Variants in SNAP91 observed in about 807,000 individuals in gnomAD.
SNAP91 encodes the protein synaptosome associated protein 91, also known as clathrin coat assembly protein AP180.
SNAP91 carries 27 observed loss-of-function variants against 100.3 expected under a neutral mutation model. That is an observed-to-expected ratio of 0.27 (90% confidence interval 0.20 to 0.37). The LOEUF (loss-of-function observed/expected upper bound fraction) is 0.37, where lower values mean the gene tolerates loss of function less well. Ranked by LOEUF, SNAP91 falls within the 10% of genes least tolerant of loss-of-function variation. The probability of loss-of-function intolerance (pLI) is 1.00; values close to 1 mark genes in which losing one functional copy is unlikely to be tolerated. For missense variants in SNAP91, 986 were observed against 1,123.7 expected (o/e 0.88, Z 1.75); for synonymous variants, 404 against 398.6 (o/e 1.01, Z -0.16).
intron 9 of SNAP91, 87 bp from the exon 10 acceptor site, chr6:83,617,126 G>C: frequency 1.3e-6 from 1 of 771,516 alleles, no homozygotes; most frequent in South Asian, 2.0e-5. Flanking sequence ...TATGGTGGAA[G>C]TCTGTGGATG....
intron 26 of SNAP91, among the ~76,000 whole-genome samples, chr6:83,570,152 G>A (rs568899024): frequency 1.3e-5 from 2 of 152,182 alleles, no homozygotes; most frequent in South Asian, 4.2e-4. Flanking sequence ...GTTGGGAATT[G>A]GAGTGAAGGT....
chr6:83,625,911 G>T (rs1322403641), intron 8 of SNAP91, among the ~76,000 whole-genome samples: 1 of 152,018 alleles, frequency 6.6e-6, no homozygotes, highest in East Asian at 1.9e-4. Context: ...TGTTGCAATT[G>T]CTTTTGAGGA....
At chr6:83,612,347 G>C (rs187413358) in intron 11 of SNAP91, among the ~76,000 whole-genome samples, 1 of 152,142 alleles carries the variant, frequency 6.6e-6, no homozygotes, top group East Asian at 1.9e-4. Context: ...GTGAGTTTTG[G>C]CTAATAATTT....
At chr6:83,613,405 A>C (rs933238454) in intron 11 of SNAP91, among the ~76,000 whole-genome samples, 1 of 152,236 alleles carries the variant, frequency 6.6e-6, no homozygotes, top group East Asian at 1.9e-4. Flanking sequence ...GACGTCTTTA[A>C]AAAGTTATTT....
intron 8 of SNAP91, among the ~76,000 whole-genome samples, chr6:83,630,906 C>T (rs2097180410): frequency 6.6e-6 from 1 of 151,598 alleles, no homozygotes; most frequent in Admixed American, 6.6e-5. Flanking sequence ...ATTCTTGTTT[C>T]TCTTGATCCT....
chr6:83,632,439 A>G (rs895399364), intron 8 of SNAP91, among the ~76,000 whole-genome samples: 8 of 152,170 alleles, frequency 5.3e-5, no homozygotes, highest in Non-Finnish European at 8.8e-5. Flanking sequence ...CTAGGTCTCT[A>G]GCAAGGCTGG....
At position 83,556,397 on chromosome 6, in the gene SNAP91, A is replaced by AGAGAG. The variant is rs1562072085; in HGVS notation, c.2632-153_2632-152insCTCTC. Among the ~76,000 whole-genome samples the AGAGAG allele has an allele frequency of 3.8e-3, 145 of 38,068 alleles. 2 individuals carry two copies. Among genetic ancestry groups the AGAGAG allele is most frequent in the Non-Finnish European group, 5.1e-3 (104 of 20,564 alleles). The allele number at this position is 38,068 out of a possible 152,430, so 25.0% of individuals were successfully genotyped here. Reference sequence around the variant, plus strand: ...AGAGAGAGAGAGAGAGAGAGAGAGAAAAGCATTAGGCAGAACACATATCAA... The same window carrying AGAGAG: ...AGAGAGAGAGAGAGAGAGAGAGAGAAGAGAGAAGCATTAGGCAGAACACATATCAA... On this transcript the variant is annotated intron_variant, in intron 28 of 29. Transcript: ENST00000369694.
chr6:83,563,266 A>G (rs970147283), intron 26 of SNAP91, among the ~76,000 whole-genome samples: 3 of 152,178 alleles, frequency 2.0e-5, no homozygotes, highest in Non-Finnish European at 4.4e-5. Flanking sequence ...AAAAATGAAT[A>G]AGGGAAAATC....
At chr6:83,593,052 G>A (rs751328589) in intron 19 of SNAP91, 35 bp from the exon 20 acceptor site, 2 of 1,551,584 alleles carry the variant, frequency 1.3e-6, no homozygotes, top group Non-Finnish European at 1.7e-6. Flanking sequence ...ACCAAGCAGA[G>A]GTAAGTAGTA....
intron 2 of SNAP91, among the ~76,000 whole-genome samples, chr6:83,689,260 T>C (rs2099101980): frequency 6.6e-6 from 1 of 152,228 alleles, no homozygotes; most frequent in South Asian, 2.1e-4. Flanking sequence ...GCTATCTCTT[T>C]ATACTTGAGT....
At position 83,582,279 on chromosome 6, in the gene SNAP91, C is replaced by T; in HGVS notation, c.2092G>A (p.Glu698Lys). Residue 698 changes from glutamate to lysine, a missense_variant, in exon 23 of 30, where the codon GAG (glutamate) becomes AAG (lysine). By Grantham distance (56) the Glu-to-Lys change is moderately conservative (BLOSUM62 1). Around this residue, in one of 4 missense-constraint regions of SNAP91, gnomAD observed 575 missense variants for 579.9 expected, o/e 0.99. Coordinates refer to ENST00000369694, the MANE Select transcript of SNAP91 (RefSeq NM_001242792.2). ...GAAGGCGTTGTCCCAAAAGCTGCCT[C>T]AAAATTGGGCTGTAGCAGGTTATTC... ...AQNNLLQPNF[E>K]AAFGTTPSTS... 1 of 1,613,464 alleles carries T rather than the reference C, an allele frequency of 6.2e-7. No individual in the cohort carries two copies. Among genetic ancestry groups the T allele is most frequent in the Non-Finnish European group, 8.5e-7 (1 of 1,179,726 alleles).
intron 2 of SNAP91, among the ~76,000 whole-genome samples, chr6:83,680,599 TA>T (rs1227017750): frequency 8.5e-5 from 13 of 152,130 alleles, no homozygotes; most frequent in Admixed American, 8.5e-4. Context: ...TGCATACCAC[TA>T]AAAAGGATGA....
At chr6:83,565,022 A>T (rs1282622435) in intron 26 of SNAP91, among the ~76,000 whole-genome samples, 2 of 150,834 alleles carry the variant, frequency 1.3e-5, no homozygotes, top group Non-Finnish European at 2.9e-5. Context: ...ATAAGCATCT[A>T]GTATCCCGAA....
intron 2 of SNAP91, among the ~76,000 whole-genome samples, chr6:83,666,879 C>T (rs1421368211): frequency 3.3e-5 from 5 of 152,006 alleles, no homozygotes; most frequent in Admixed American, 6.6e-5. Flanking sequence ...TGCTTTAAAA[C>T]GTGAGGTACT....
chr6:83,633,181 A>G (rs1442612130), intron 8 of SNAP91, among the ~76,000 whole-genome samples: 2 of 152,150 alleles, frequency 1.3e-5, no homozygotes, highest in South Asian at 2.1e-4. Flanking sequence ...CAGCAAGTCT[A>G]TCAGGCTCCA....
At chr6:83,573,352 A>G (rs1811929048) in intron 26 of SNAP91, among the ~76,000 whole-genome samples, 1 of 152,224 alleles carries the variant, frequency 6.6e-6, no homozygotes. Flanking sequence ...GGAATAATCA[A>G]TATCGTGAAA....
intron 11 of SNAP91, among the ~76,000 whole-genome samples, chr6:83,612,927 GA>G (rs2096246671): frequency 6.9e-6 from 1 of 144,162 alleles, no homozygotes; most frequent in South Asian, 2.2e-4. Flanking sequence ...AACAGCTTTA[GA>G]AATACATTTC....
chr6:83,638,529 T>A (rs1444818308), intron 8 of SNAP91, among the ~76,000 whole-genome samples: 1 of 152,152 alleles, frequency 6.6e-6, no homozygotes, highest in African/African-American at 2.4e-5. Flanking sequence ...CTTTAGATGA[T>A]CCATTTAAAA....
intron 26 of SNAP91, among the ~76,000 whole-genome samples, chr6:83,572,174 C>T (rs1474443283): frequency 6.6e-6 from 1 of 152,172 alleles, no homozygotes; most frequent in Non-Finnish European, 1.5e-5. Context: ...ATAAAAATCC[C>T]CACTTGTGTG....
Sources: allele counts gnomAD v4.1 joint callset (sites outside exome capture counted in the v4.1 genomes callset), GRCh38; gene constraint gnomAD v4.1.1; regional missense constraint gnomAD v4.1.1; transcripts MANE v1.5; gene names NCBI Gene and HGNC (gene_info 2026-07-23, HGNC 2026-07-21).